Variants in SDF2L1 observed in about 807,000 individuals in gnomAD.
SDF2L1 encodes stromal cell-derived factor 2-like protein 1.
In SDF2L1, 18 loss-of-function variants were observed where a neutral mutation model predicts 19.4. That is an observed-to-expected ratio of 0.93 (90% CI 0.64 to 1.38). SDF2L1 has a LOEUF of 1.38. Ranked by LOEUF, SDF2L1 falls within the 40% of genes most tolerant of loss-of-function variation. The pLI, the probability that SDF2L1 is intolerant of heterozygous loss-of-function variation, is 0.00. For synonymous variants in SDF2L1, 161 were observed against 148.9 expected (o/e 1.08, Z -0.59); for missense variants, 263 against 319.4 (o/e 0.82, Z 1.35).
In SDF2L1 at chr22:21,642,542, T is replaced by G; in HGVS notation, c.187+19T>G. 1.3e-6 allele frequency: 2 copies of G among 1,507,582 alleles called. No individual in the cohort carries two copies. Among genetic ancestry groups the G allele is most frequent in the Non-Finnish European group, 8.8e-7 (1 of 1,136,132 alleles). The allele number at this position is 1,507,582 out of a possible 1,614,324, so 93.4% of individuals were successfully genotyped here. On this transcript the variant is annotated intron_variant, in intron 1 of 2. Coordinates refer to ENST00000248958, the MANE Select transcript of SDF2L1 (RefSeq NM_022044.3). ...GGATCCGGTGCGTGGGGCCAGCGAC[T>G]GGGAGAGCGCGGGGAACCGGGGCTC...
chr22:21,642,995 G>T lies in SDF2L1; in HGVS notation c.321G>T (p.Thr107=). ...GCTGCGGGCAGGCGGTGAGGCTCAC[G>T]CATGTGCTTACGGGCAAGAACCTGC... is the stretch of plus-strand genomic sequence containing the variant. The part of the protein sequence containing the change: ...PVRCGQAVRL[T]HVLTGKNLHT... Residue 107 remains threonine, a synonymous_variant, in exon 2 of 3, where the codon ACG becomes ACT. Coordinates refer to ENST00000248958, the MANE Select transcript of SDF2L1 (RefSeq NM_022044.3). The T allele has an allele frequency of 6.4e-7, 1 of 1,565,964 alleles. No homozygotes were observed. Among genetic ancestry groups the T allele is most frequent in the Non-Finnish European group, 8.6e-7 (1 of 1,156,548 alleles).
chr22:21,643,370 C>G, intron 2 of SDF2L1: 4 of 532,094 alleles, frequency 7.5e-6, no homozygotes, highest in Non-Finnish European at 1.3e-5. Flanking sequence ...TAGGAAACTC[C>G]ACTGGGGAGG....
Position 21,642,365 on chromosome 22 carries a change from C to T in SDF2L1, c.29C>T (p.Ala10Val), listed in dbSNP as rs2066085228. Residue 10 changes from alanine to valine, a missense_variant, in exon 1 of 3, where the codon GCC becomes GTC. Ala to Val is a moderately conservative substitution (Grantham distance 64). Transcript: ENST00000248958. Reference sequence around the variant, plus strand: ...TGGAGCGCGGGCCGCGGCGGGGCTGCCTGGCCGGTGCTGTTGGGGCTGCTG... The same window carrying T: ...TGGAGCGCGGGCCGCGGCGGGGCTGTCTGGCCGGTGCTGTTGGGGCTGCTG... MWSAGRGGA[A>V]WPVLLGLLLA... The T allele has an allele frequency of 7.1e-7, 1 of 1,407,148 alleles. No individual in the cohort carries two copies. The highest frequency in any genetic ancestry group is 9.2e-7 in the Non-Finnish European group (1 of 1,087,794). The allele number at this position is 1,407,148 out of a possible 1,614,324, so 87.2% of individuals were successfully genotyped here. A position where few individuals can be genotyped will look rare whatever the true frequency, so the allele number is the denominator to read the frequency against.
intron 1 of SDF2L1, 80 bp from the exon 2 acceptor site, chr22:21,642,782 G>A: frequency 6.7e-7 from 1 of 1,498,234 alleles, no homozygotes. Flanking sequence ...GGTCCCCTGG[G>A]ACATGTTCTG....
rs2066088973 is a variant in SDF2L1 at position 21,642,735 on chromosome 22, A to AG, written c.188-122dup. The AG allele has an allele frequency of 4.0e-5, 39 of 972,062 alleles. 1 individual carries two copies. In the South Asian group the frequency reaches 5.4e-4, roughly 13 times the overall value. 60.2% of individuals were successfully genotyped at this position (972,062 alleles called of 1,614,324 possible). ...CGGGGAACTGCGGGCCCAAAGACTG[A>AG]GGGGGTGTCAGGCGGGGGCTGGGGG... On this transcript the variant is annotated intron_variant, in intron 1 of 2. Transcript: ENST00000248958.
In SDF2L1 at chr22:21,642,350, G is replaced by T. The variant is rs1167809694; in HGVS notation, c.14G>T (p.Gly5Val). 3 of 1,385,396 alleles carry T rather than the reference G, an allele frequency of 2.2e-6. No individual in the cohort carries two copies. The highest frequency in any genetic ancestry group is 2.8e-6 in the Non-Finnish European group (3 of 1,077,854). The allele number at this position is 1,385,396 out of a possible 1,614,324, so 85.8% of individuals were successfully genotyped here. A position where few individuals can be genotyped will look rare whatever the true frequency, so the allele number is the denominator to read the frequency against. MWSA[G>V]RGGAAWPVLL... ...CGGGCCGGGGCGATGTGGAGCGCGG[G>T]CCGCGGCGGGGCTGCCTGGCCGGTG... The change falls in exon 1 of 3, where the codon GGC becomes GTC. Residue 5 changes from glycine (G) to valine (V), a missense_variant. Physicochemically the swap from Gly to Val is moderately radical, Grantham distance 109 (BLOSUM62 -3). This residue lies in a region of SDF2L1 where 56 missense variants were observed against 45.3 expected (regional missense o/e 1.24). Transcript: ENST00000248958.
In SDF2L1 at chr22:21,642,479, AC is replaced by A; in HGVS notation, c.145del (p.His49ThrfsTer21). On this transcript the variant is annotated frameshift_variant, in exon 1 of 3. Coordinates refer to ENST00000248958, the MANE Select transcript of SDF2L1 (RefSeq NM_022044.3). LOFTEE classifies it high-confidence loss of function. ...CGSVLKLLNT[H>X]HRVRLHSHDI... Reference sequence around the variant, plus strand: ...TCGGTGCTGAAGCTGCTCAATACGCACCACCGCGTGCGGCTGCACTCGCACG... The same window carrying A: ...TCGGTGCTGAAGCTGCTCAATACGCACACCGCGTGCGGCTGCACTCGCACG... 4 of 1,518,960 alleles carry A rather than the reference AC, an allele frequency of 2.6e-6. No individual in the cohort carries two copies. The highest frequency in any genetic ancestry group is 3.5e-6 in the Non-Finnish European group (4 of 1,139,100). 94.1% of individuals were successfully genotyped at this position (1,518,960 alleles called of 1,614,324 possible). A position where few individuals can be genotyped will look rare whatever the true frequency, so the allele number is the denominator to read the frequency against.
chr22:21,642,937 C>T lies in SDF2L1; in HGVS notation c.263C>T (p.Ser88Leu), dbSNP rs2066091792. ...ANSYWRIRGG[S>L]EGGCPRGSPV... ...AGCTACTGGCGGATCCGCGGCGGCT[C>T]GGAGGGCGGGTGCCCGCGCGGGTCC... The change falls in exon 2 of 3, where the codon TCG becomes TTG. Residue 88 changes from serine (S) to leucine (L), a missense_variant. Around this residue, in one of 3 missense-constraint regions of SDF2L1, gnomAD observed 203 missense variants for 256.9 expected, o/e 0.79. Coordinates refer to ENST00000248958, the MANE Select transcript of SDF2L1 (RefSeq NM_022044.3). 6.3e-7 allele frequency: 1 copy of T among 1,579,438 alleles called. No homozygotes were observed. The highest frequency in any genetic ancestry group is 1.8e-5 in the Admixed American group (1 of 54,796).
rs1015360031 is a variant in SDF2L1, at chr22:21,642,343, A to C, written c.7A>C (p.Ser3Arg). 1.5e-6 allele frequency: 2 copies of C among 1,375,172 alleles called. No individual in the cohort carries two copies. Among genetic ancestry groups the C allele is most frequent in the Non-Finnish European group, 1.9e-6 (2 of 1,072,842 alleles). The allele number at this position is 1,375,172 out of a possible 1,614,324, so 85.2% of individuals were successfully genotyped here. A position where few individuals can be genotyped will look rare whatever the true frequency, so the allele number is the denominator to read the frequency against. Residue 3 changes from serine to arginine, a missense_variant, in exon 1 of 3, where the codon AGC (serine) becomes CGC (arginine). Ser to Arg is a moderately radical substitution (Grantham distance 110). Around this residue, in one of 3 missense-constraint regions of SDF2L1, gnomAD observed 56 missense variants for 45.3 expected, o/e 1.24. Coordinates refer to ENST00000248958, the MANE Select transcript of SDF2L1 (RefSeq NM_022044.3). ...CTGGAGCCGGGCCGGGGCGATGTGG[A>C]GCGCGGGCCGCGGCGGGGCTGCCTG... MWSAGRGGAAWPV... is the reference protein window; with the variant it reads MWRAGRGGAAWPV...
Position 21,642,989 on chromosome 22 carries a change from GC to G in SDF2L1, c.316del (p.Leu106SerfsTer25). On this transcript the variant is annotated frameshift_variant, in exon 2 of 3. Coordinates refer to ENST00000248958, the MANE Select transcript of SDF2L1 (RefSeq NM_022044.3). LOFTEE classifies it high-confidence loss of function. ...SPVRCGQAVR[L>X]THVLTGKNLH... The stretch of plus-strand genomic sequence containing the variant: ...CGGTGCGCTGCGGGCAGGCGGTGAG[GC>G]TCACGCATGTGCTTACGGGCAAGAA... 6.4e-7 allele frequency: 1 copy of G among 1,566,602 alleles called. No individual in the cohort carries two copies. The highest frequency in any genetic ancestry group is 8.6e-7 in the Non-Finnish European group (1 of 1,156,980).
rs2066084486 is a variant in SDF2L1 at position 21,642,323 on chromosome 22, G to A, written c.-14G>A. 5.2e-6 allele frequency: 7 copies of A among 1,343,348 alleles called. No individual in the cohort carries two copies. Among genetic ancestry groups the A allele is most frequent in the Admixed American group, 4.2e-5 (1 of 24,094 alleles). 83.2% of individuals were successfully genotyped at this position (1,343,348 alleles called of 1,614,324 possible). On this transcript the variant is annotated 5_prime_UTR_variant, in exon 1 of 3. Coordinates refer to ENST00000248958, the MANE Select transcript of SDF2L1 (RefSeq NM_022044.3). Reference sequence around the variant, plus strand: ...CGGCCCCTGGGCCCGAGGGGCTGGAGCCGGGCCGGGGCGATGTGGAGCGCG... The same window carrying A: ...CGGCCCCTGGGCCCGAGGGGCTGGAACCGGGCCGGGGCGATGTGGAGCGCG...
chr22:21,643,778 G>A (rs532616310), intron 2 of SDF2L1, 116 bp from the exon 3 acceptor site: 139 of 1,083,948 alleles, frequency 1.3e-4, no homozygotes, highest in Middle Eastern at 6.1e-4. Context: ...GTCACCTTTT[G>A]CAGCTGTGGG....
intron 1 of SDF2L1, among the ~76,000 whole-genome samples, 155 bp downstream of exon 1, chr22:21,642,678 G>A (rs1041690362): frequency 1.3e-5 from 2 of 151,560 alleles, no homozygotes; most frequent in Non-Finnish European, 2.9e-5. Flanking sequence ...AGCTTTGAGG[G>A]TGTCGAGGAT....
chr22:21,642,886 G>A lies in SDF2L1; in HGVS notation c.212G>A (p.Gly71Asp). The change falls in exon 2 of 3, where the codon GGC becomes GAC. Residue 71 changes from glycine (G) to aspartate (D), a missense_variant. Coordinates refer to ENST00000248958, the MANE Select transcript of SDF2L1 (RefSeq NM_022044.3). The stretch of plus-strand genomic sequence containing the variant: ...GGCAGCGGCCAGCAATCGGTGACCG[G>A]CGTAGAGGCGTCGGACGACGCCAAT... ...GSGSGQQSVT[G>D]VEASDDANSY... 6.3e-7 allele frequency: 1 copy of A among 1,597,084 alleles called. No homozygotes were observed. The highest frequency in any genetic ancestry group is 8.5e-7 in the Non-Finnish European group (1 of 1,173,746).
At position 21,642,946 on chromosome 22, in the gene SDF2L1, G is replaced by T. The variant is rs994890387; in HGVS notation, c.272G>T (p.Gly91Val). ...YWRIRGGSEG[G>V]CPRGSPVRCG... ...CGGATCCGCGGCGGCTCGGAGGGCG[G>T]GTGCCCGCGCGGGTCCCCGGTGCGC... Residue 91 changes from glycine (G) to valine (V), a missense_variant, in exon 2 of 3, where the codon GGG becomes GTG. By Grantham distance (109) the Gly-to-Val change is moderately radical (BLOSUM62 -3). Transcript: ENST00000248958. 6.3e-7 allele frequency: 1 copy of T among 1,574,962 alleles called. No individual in the cohort carries two copies. The highest frequency in any genetic ancestry group is 1.4e-5 in the African/African-American group (1 of 73,936).
intron 1 of SDF2L1, 107 bp downstream of exon 1, chr22:21,642,630 G>A: frequency 7.3e-7 from 1 of 1,375,740 alleles, no homozygotes; most frequent in Non-Finnish European, 9.7e-7. Context: ...AAGCCGGGCG[G>A]CGGGGGCTCT....
chr22:21,642,598 T>TG, intron 1 of SDF2L1, 75 bp downstream of exon 1: 2 of 1,455,064 alleles, frequency 1.4e-6, no homozygotes, highest in Non-Finnish European at 1.8e-6. Flanking sequence ...AGGGTGGTCA[T>TG]GGGGGTCTGT....
chr22:21,642,436 G>C lies in SDF2L1; in HGVS notation c.100G>C (p.Glu34Gln). ...PGGGAAKTGA[E>Q]LVTCGSVLKL... ...CGGTGGTGCCGCCAAGACCGGTGCG[G>C]AGCTCGTGACCTGCGGGTCGGTGCT... Residue 34 changes from glutamate (E) to glutamine (Q), a missense_variant, in exon 1 of 3, where the codon GAG becomes CAG. Physicochemically the swap from Glu to Gln is conservative, Grantham distance 29. Transcript: ENST00000248958. The C allele has an allele frequency of 6.8e-7, 1 of 1,476,632 alleles. No individual in the cohort carries two copies. The highest frequency in any genetic ancestry group is 8.9e-7 in the Non-Finnish European group (1 of 1,122,904). The allele number at this position is 1,476,632 out of a possible 1,614,324, so 91.5% of individuals were successfully genotyped here.
intron 2 of SDF2L1, 148 bp downstream of exon 2, chr22:21,643,206 C>G: frequency 1.0e-6 from 1 of 966,522 alleles, no homozygotes; most frequent in Non-Finnish European, 1.5e-6. Flanking sequence ...TCGGGGGACA[C>G]AGAGTAACTC....
Sources: gnomAD v4.1 joint callset for allele counts (sites outside exome capture counted in the v4.1 genomes callset) on GRCh38, gnomAD v4.1.1 for gene constraint, gnomAD v4.1.1 regional missense constraint, MANE v1.5 for transcripts, NCBI Gene and HGNC (gene_info 2026-07-23, HGNC 2026-07-21) for gene names.